The following RPS6KA2 variants were observed in gnomAD, a reference collection of about 807,000 sequenced individuals.
RPS6KA2 encodes the protein ribosomal protein S6 kinase A2, also known as ribosomal protein S6 kinase alpha-2.
In RPS6KA2, 42 loss-of-function variants were observed where a neutral mutation model predicts 91.8. That is an observed-to-expected ratio of 0.46 (90% confidence interval 0.36 to 0.59). The LOEUF (loss-of-function observed/expected upper bound fraction) is 0.59. RPS6KA2 is among the 20% of genes least tolerant of loss of function. The pLI, the probability that RPS6KA2 is intolerant of heterozygous loss-of-function variation, is 0.00. For missense variants in RPS6KA2, 798 were observed against 978.5 expected (o/e 0.82, Z 2.46); for synonymous variants, 414 against 393.6 (o/e 1.05, Z -0.61).
In RPS6KA2 at chr6:166,603,445, G is replaced by A. The variant is rs909394375; in HGVS notation, c.99+23476C>T. Among the ~76,000 whole-genome samples the A allele has an allele frequency of 3.9e-5, 6 of 152,196 alleles. No homozygotes were observed. Among genetic ancestry groups the A allele is most frequent in the Non-Finnish European group, 8.8e-5 (6 of 68,036 alleles). ...AGTCCAGCATCCACCAGCCACACGG[G>A]AGATGGTGTGGGATGTGGGATCTGA... On this transcript the variant is annotated intron_variant, in intron 1 of 20. Transcript: ENST00000265678. The surrounding 1 kb of genome is among the most constrained non-coding windows in gnomAD (Gnocchi z 4.3).
chr6:166,813,881 T>C (rs903031132), intron 2 of RPS6KA2, among the ~76,000 whole-genome samples: 4 of 152,222 alleles, frequency 2.6e-5, no homozygotes, highest in Admixed American at 6.5e-5. Flanking sequence ...AGACTAGATT[T>C]TTGCTCTACC....
chr6:166,457,834 AC>A, intron 12 of RPS6KA2, among the ~76,000 whole-genome samples: 1 of 152,298 alleles, frequency 6.6e-6, no homozygotes, highest in African/African-American at 2.4e-5. Context: ...GGATTCTCTA[AC>A]TTCATCTACC....
rs557157788 is a variant in RPS6KA2, at chr6:166,415,120, T to C, written c.1939-1189A>G. On this transcript the variant is annotated intron_variant, in intron 19 of 20. Transcript: ENST00000265678. ...ATAGAATGTGAAGTTGAATTACTCATTAGAATTTTGGGTCATGAAACAACT... is the reference window on the plus strand; with the variant it reads ...ATAGAATGTGAAGTTGAATTACTCACTAGAATTTTGGGTCATGAAACAACT... Among the ~76,000 whole-genome samples the C allele has an allele frequency of 4.6e-5, 7 of 152,346 alleles. No individual in the cohort carries two copies. The South Asian group carries it at 1.2e-3, about 27-fold the overall frequency.
chr6:166,440,202 T>C (rs572720740), intron 14 of RPS6KA2: 1 of 151,570 alleles, frequency 6.6e-6, no homozygotes, highest in Non-Finnish European at 1.5e-5. Context: ...CGGGGAGAGG[T>C]TTGCAGTGGG....
Position 166,648,418 on chromosome 6 carries a change from A to C in RPS6KA2, c.124-109634T>G, listed in dbSNP as rs1277054125. ...TGCACGCCTCCATCTTACCATATAC[A>C]ACTGCTGCACAATCTGCCTTTGTAC... On this transcript the variant is annotated intron_variant, in intron 2 of 21. Coordinates refer to the RPS6KA2 transcript ENST00000503859. The surrounding 1 kb of genome is among the most constrained non-coding windows in gnomAD (Gnocchi z 4.8). Among the ~76,000 whole-genome samples, 1 of 152,180 alleles carries C rather than the reference A, an allele frequency of 6.6e-6. No homozygotes were observed. Among genetic ancestry groups the C allele is most frequent in the Non-Finnish European group, 1.5e-5 (1 of 68,028 alleles).
intron 2 of RPS6KA2, among the ~76,000 whole-genome samples, chr6:166,738,348 G>A (rs923507567): frequency 6.6e-6 from 1 of 152,202 alleles, no homozygotes; most frequent in African/African-American, 2.4e-5. Context: ...CAGGGAGGTG[G>A]CTGGGAAGTG....
intron 3 of RPS6KA2, among the ~76,000 whole-genome samples, chr6:166,530,774 G>A (rs541135304): frequency 5.6e-4 from 85 of 152,360 alleles, no homozygotes; most frequent in African/African-American, 2.0e-3. Context: ...GGATGGGCGT[G>A]CAGAGGAGCT....
At chr6:166,592,438 A>G (rs188870741) in intron 1 of RPS6KA2, among the ~76,000 whole-genome samples, 1 of 152,214 alleles carries the variant, frequency 6.6e-6, no homozygotes, top group East Asian at 1.9e-4. Context: ...CTCACTTTAC[A>G]TAAGGGAACT....
chr6:166,418,483 G>A lies in RPS6KA2; in HGVS notation c.1821-141C>T. 1 of 691,452 alleles carries A rather than the reference G, an allele frequency of 1.4e-6. No homozygotes were observed. The highest frequency in any genetic ancestry group is 2.6e-6 in the Non-Finnish European group (1 of 391,026). 42.8% of individuals were successfully genotyped at this position (691,452 alleles called of 1,614,324 possible). A position where few individuals can be genotyped will look rare whatever the true frequency, so the allele number is the denominator to read the frequency against. ...CTCTGCTCTGAAGCCAGGATTCATGGGAAAGCGGAACTTACCTCTAACACT... is the reference window on the plus strand; with the variant it reads ...CTCTGCTCTGAAGCCAGGATTCATGAGAAAGCGGAACTTACCTCTAACACT... On this transcript the variant is annotated intron_variant, in intron 18 of 20. Coordinates refer to ENST00000265678, the MANE Select transcript of RPS6KA2 (RefSeq NM_021135.6). This position sits in a 1 kb window ranked among gnomAD's most constrained non-coding sequence, Gnocchi z 4.9.
intron 2 of RPS6KA2, among the ~76,000 whole-genome samples, chr6:166,857,028 G>A (rs1388202035): frequency 6.6e-6 from 1 of 152,204 alleles, no homozygotes; most frequent in African/African-American, 2.4e-5. Context: ...AAAGGCAGCT[G>A]GATAAACGTA....
At chr6:166,720,824 C>T (rs1415111485) in intron 2 of RPS6KA2, among the ~76,000 whole-genome samples, 1 of 152,170 alleles carries the variant, frequency 6.6e-6, no homozygotes, top group Non-Finnish European at 1.5e-5. Flanking sequence ...TTGATTTGTG[C>T]AGAGCAGCAA....
intron 2 of RPS6KA2, among the ~76,000 whole-genome samples, chr6:166,536,213 A>G (rs2128493737): frequency 6.6e-6 from 1 of 152,380 alleles, no homozygotes; most frequent in Middle Eastern, 3.4e-3. Context: ...CTGTCCCGGG[A>G]CACTGCGTCC....
At chr6:166,430,376 C>T in intron 16 of RPS6KA2, 77 bp downstream of exon 16, 1 of 1,325,922 alleles carries the variant, frequency 7.5e-7, no homozygotes, top group Non-Finnish European at 1.0e-6. Flanking sequence ...AGCTCTTGAA[C>T]CCATAAACCC....
In RPS6KA2 at chr6:166,825,331, T is replaced by C. The variant is rs1019059085; in HGVS notation, c.123+32869A>G. Among the ~76,000 whole-genome samples, 7 of 152,208 alleles carry C rather than the reference T, an allele frequency of 4.6e-5. No individual in the cohort carries two copies. Among genetic ancestry groups the C allele is most frequent in the Non-Finnish European group, 1.0e-4 (7 of 68,030 alleles). On this transcript the variant is annotated intron_variant, in intron 2 of 21. Coordinates refer to the RPS6KA2 transcript ENST00000503859. This position sits in a 1 kb window ranked among gnomAD's most constrained non-coding sequence, Gnocchi z 4.1. ...GGCTGTGAGGGGAAGGCGACTATTCTGAAGAGAATAACTTTAACCTCTCAT... is the reference window on the plus strand; with the variant it reads ...GGCTGTGAGGGGAAGGCGACTATTCCGAAGAGAATAACTTTAACCTCTCAT...
intron 2 of RPS6KA2, chr6:166,702,800 C>T (rs1323277786): frequency 1.3e-5 from 14 of 1,070,054 alleles, no homozygotes; most frequent in East Asian, 2.4e-5. Context: ...TCCAAGGGGG[C>T]GGCGTTCTCG....
chr6:166,711,199 A>G (rs1789835336), intron 2 of RPS6KA2, among the ~76,000 whole-genome samples: 2 of 151,102 alleles, frequency 1.3e-5, no homozygotes, highest in Non-Finnish European at 2.9e-5. Context: ...CTCCACCCCC[A>G]CAAAGCAGGA....
At chr6:166,725,267 A>G (rs1790300685) in intron 2 of RPS6KA2, among the ~76,000 whole-genome samples, 1 of 152,172 alleles carries the variant, frequency 6.6e-6, no homozygotes, top group African/African-American at 2.4e-5. Flanking sequence ...AAAATGTCTC[A>G]GTTTTCTTTC....
chr6:166,772,014 CTGTT>C (rs915552281), intron 2 of RPS6KA2, among the ~76,000 whole-genome samples: 1 of 148,954 alleles, frequency 6.7e-6, no homozygotes, highest in Admixed American at 6.6e-5. Flanking sequence ...AATCATAGCT[CTGTT>C]TGTTTTATGT....
rs778658779 is a variant in RPS6KA2 at position 166,437,446 on chromosome 6, G to A, written c.1333-4956C>T. 1.2e-4 allele frequency among the ~76,000 whole-genome samples: 18 copies of A among 152,300 alleles called. No individual in the cohort carries two copies. Among genetic ancestry groups the A allele is most frequent in the East Asian group, 5.8e-4 (3 of 5,188 alleles). On this transcript the variant is annotated intron_variant, in intron 14 of 20. Coordinates refer to ENST00000265678, the MANE Select transcript of RPS6KA2 (RefSeq NM_021135.6). The surrounding 1 kb of genome is among the most constrained non-coding windows in gnomAD (Gnocchi z 4.3). ...CGCTCAAATAATGCTGACGCGCCAC[G>A]GAGTAGGAGTGGTGTCGTGGGGCGG...
Sources: gnomAD v4.1 joint callset for allele counts (sites outside exome capture counted in the v4.1 genomes callset) on GRCh38, gnomAD v4.1.1 for gene constraint, Gnocchi (gnomAD v3.1) non-coding constraint, MANE v1.5 for transcripts, NCBI Gene and HGNC (gene_info 2026-07-23, HGNC 2026-07-21) for gene names.